The following MAP3K11 variants were observed in gnomAD, a reference collection of about 807,000 sequenced individuals.
The protein encoded by MAP3K11 is mitogen-activated protein kinase kinase kinase 11, also known as SH3 domain-containing proline-rich kinase.
MAP3K11 carries 46 observed loss-of-function variants against 84.9 expected under a neutral mutation model. That is an observed-to-expected ratio of 0.54 (90% CI 0.43 to 0.69). The LOEUF (loss-of-function observed/expected upper bound fraction) is 0.69, where lower values mean the gene tolerates loss of function less well. Ranked by LOEUF, MAP3K11 falls within the 30% of genes least tolerant of loss-of-function variation. The pLI is 0.00. For synonymous variants in MAP3K11, 527 were observed against 514.7 expected, an observed-to-expected ratio of 1.02 and a Z score of -0.32; for missense variants, 1,053 against 1,198.3, an observed-to-expected ratio of 0.88 and a Z score of 1.79.
At chr11:65,612,879 A>G in intron 1 of MAP3K11, 139 bp downstream of exon 1, 1 of 1,003,126 alleles carries the variant, frequency 1.0e-6, no homozygotes, top group Non-Finnish European at 1.3e-6. Context: ...GCTTGAGCCC[A>G]TGGGCACCCC....
Position 65,598,598 on chromosome 11 carries a change from G to T in MAP3K11, c.2237C>A (p.Ser746Ter). 6.4e-7 allele frequency: 1 copy of T among 1,566,926 alleles called. No individual in the cohort carries two copies. ...GCCTGGGGTGCCAGGAGCAGAGCGTGATGTCCCCGGTGGGGGTGAGACAGT... is the reference window on the plus strand; with the variant it reads ...GCCTGGGGTGCCAGGAGCAGAGCGTTATGTCCCCGGTGGGGGTGAGACAGT... ...GGTVSPPPGTSRSAPGTPGTP... is the reference protein window; with the variant it reads ...GGTVSPPPGT The change falls in exon 10 of 10, where the codon TCA becomes TAA. Residue 746 changes from serine to a stop codon, truncating the protein, a stop_gained. Coordinates refer to ENST00000309100, the MANE Select transcript of MAP3K11 (RefSeq NM_002419.4). LOFTEE classifies it high-confidence loss of function.
intron 1 of MAP3K11, chr11:65,610,473 T>C (rs1481840287): frequency 6.6e-6 from 1 of 152,242 alleles, no homozygotes. Flanking sequence ...CGCCCTCCTC[T>C]CCCTCCTCTG....
chr11:65,608,221 C>T, intron 2 of MAP3K11, 47 bp downstream of exon 2: 1 of 1,599,770 alleles, frequency 6.3e-7, no homozygotes, highest in Non-Finnish European at 8.5e-7. Flanking sequence ...CCACCTCTGC[C>T]CTCTGCAGCC....
At chr11:65,611,286 C>T (rs1327634106) in intron 1 of MAP3K11, 4 of 152,414 alleles carry the variant, frequency 2.6e-5, no homozygotes, top group Middle Eastern at 3.4e-3. Context: ...TCCTGTGACT[C>T]GTGGGCCTGG....
intron 1 of MAP3K11, chr11:65,610,916 C>G (rs1310775158): frequency 6.6e-6 from 1 of 152,618 alleles, no homozygotes; most frequent in Non-Finnish European, 1.5e-5. Context: ...CCAAGCTCCT[C>G]TCTGTGCTTT....
Position 65,607,508 on chromosome 11 carries a change from T to C in MAP3K11, c.1251A>G (p.Leu417=), listed in dbSNP as rs1008275707. ...GCGTCAGCTCCTCCTCGCGGCTCAG[T>C]AGTTCCTGCGCCCGAGACAGCGATG... ...FDELRAKEKE[L]LSREEELTRA... is the part of the protein sequence containing the mutation. The change falls in exon 5 of 10, where the codon CTA becomes CTG. Residue 417 remains leucine (L), a synonymous_variant. Transcript: ENST00000309100. 3 of 1,569,960 alleles carry C rather than the reference T, an allele frequency of 1.9e-6. No individual in the cohort carries two copies. Among genetic ancestry groups the C allele is most frequent in the Non-Finnish European group, 2.6e-6 (3 of 1,165,782 alleles).
chr11:65,606,349 T>C (rs1254383907), intron 6 of MAP3K11: 2 of 450,878 alleles, frequency 4.4e-6, no homozygotes, highest in African/African-American at 2.1e-5. Context: ...GCTCTTCCAC[T>C]TATTAACTGT....
Position 65,605,954 on chromosome 11 carries a change from C to A in MAP3K11, c.1731G>T (p.Gln577His), listed in dbSNP as rs1854502067. The change falls in exon 7 of 10, where the codon CAG becomes CAT. Residue 577 changes from glutamine to histidine, a missense_variant. Coordinates refer to ENST00000309100, the MANE Select transcript of MAP3K11 (RefSeq NM_002419.4). ...GGCACTCAGGTACTCACCTCCCATT[C>A]TGGGCTTCCCCAGGCTTGGGGGAAC... The part of the protein sequence containing the change: ...GPSSPKPGEA[Q>H]NGRRRSRMDE... 1.2e-6 allele frequency: 2 copies of A among 1,603,000 alleles called. No individual in the cohort carries two copies. Among genetic ancestry groups the A allele is most frequent in the Non-Finnish European group, 8.5e-7 (1 of 1,176,770 alleles).
At chr11:65,601,000 G>A (rs1854449397) in intron 8 of MAP3K11, among the ~76,000 whole-genome samples, 1 of 152,216 alleles carries the variant, frequency 6.6e-6, no homozygotes, top group Admixed American at 6.5e-5. Context: ...AGGGACAAGG[G>A]AATCCTTCTA....
intron 9 of MAP3K11, 74 bp downstream of exon 9, chr11:65,599,320 C>G: frequency 2.1e-6 from 3 of 1,451,866 alleles, no homozygotes; most frequent in African/African-American, 1.5e-5. Context: ...CTTGCATGTC[C>G]CCACCAGCCA....
chr11:65,606,589 A>G, intron 6 of MAP3K11, 102 bp downstream of exon 6: 1 of 803,352 alleles, frequency 1.2e-6, no homozygotes, highest in South Asian at 2.0e-5. Context: ...GGGGGCGGGG[A>G]GGAAGAGGGG....
Position 65,598,273 on chromosome 11 carries a change from G to A in MAP3K11, c.*18C>T. The A allele has an allele frequency of 2.1e-6, 3 of 1,435,246 alleles. No homozygotes were observed. Among genetic ancestry groups the A allele is most frequent in the Non-Finnish European group, 1.8e-6 (2 of 1,091,980 alleles). 88.9% of individuals were successfully genotyped at this position (1,435,246 alleles called of 1,614,324 possible). On this transcript the variant is annotated 3_prime_UTR_variant, in exon 10 of 10. Coordinates refer to ENST00000309100, the MANE Select transcript of MAP3K11 (RefSeq NM_002419.4). ...TCCTCCTAAGGCAGCTGGAGCTCGG[G>A]GGAGTGGCCTGGCCCACTCAAGGCC... is the stretch of plus-strand genomic sequence containing the variant.
Position 65,606,049 on chromosome 11 carries a change from G to A in MAP3K11, c.1636C>T (p.Arg546Cys), listed in dbSNP as rs750589238. 26 of 1,590,186 alleles carry A rather than the reference G, an allele frequency of 1.6e-5. No individual in the cohort carries two copies. Among genetic ancestry groups the A allele is most frequent in the Admixed American group, 5.6e-5 (3 of 53,804 alleles). The change falls in exon 7 of 10, where the codon CGC (arginine) becomes TGC (cysteine). Residue 546 changes from arginine (R) to cysteine (C), a missense_variant. This residue lies in a region of MAP3K11 where 583 missense variants were observed against 566.6 expected (regional missense o/e 1.03). Coordinates refer to ENST00000309100, the MANE Select transcript of MAP3K11 (RefSeq NM_002419.4). ...EPAEPGQAWG[R>C]QSPRRLEDSS... The stretch of plus-strand genomic sequence containing the variant: ...TCCTCCAGACGTCGGGGGGACTGGC[G>A]GCCCCATGCCTGGCCTGGCTCTGCA...
intron 9 of MAP3K11, 141 bp downstream of exon 9, chr11:65,599,253 G>T: frequency 9.5e-7 from 1 of 1,056,738 alleles, no homozygotes; most frequent in Non-Finnish European, 1.3e-6. Context: ...TGCGTCTTCA[G>T]TACCCCGAAT....
intron 8 of MAP3K11, 182 bp downstream of exon 8, chr11:65,605,579 C>T: frequency 3.7e-6 from 2 of 542,892 alleles, no homozygotes; most frequent in Admixed American, 3.8e-5. Context: ...TGATCGTGGG[C>T]CTGTAGGTCA....
chr11:65,604,077 G>C (rs1854482175), intron 8 of MAP3K11, among the ~76,000 whole-genome samples: 1 of 152,260 alleles, frequency 6.6e-6, no homozygotes, highest in African/African-American at 2.4e-5. Flanking sequence ...AATGCAAAGT[G>C]ATTTTGGAAT....
intron 8 of MAP3K11, 98 bp downstream of exon 8, chr11:65,605,663 G>A: frequency 2.4e-6 from 2 of 819,542 alleles, no homozygotes; most frequent in Admixed American, 6.0e-5. Context: ...AGCAACCAGG[G>A]CAGGACTCCT....
intron 5 of MAP3K11, 138 bp downstream of exon 5, chr11:65,607,132 C>T: frequency 8.3e-7 from 1 of 1,203,318 alleles, no homozygotes; most frequent in Non-Finnish European, 1.1e-6. Context: ...ACACTCCTGG[C>T]TCCACCCCTC....
At position 65,607,339 on chromosome 11, in the gene MAP3K11, G is replaced by A. The variant is rs1406803417; in HGVS notation, c.1420C>T (p.Arg474Cys). 2.0e-6 allele frequency: 3 copies of A among 1,506,048 alleles called. No homozygotes were observed. The highest frequency in any genetic ancestry group is 1.4e-5 in the African/African-American group (1 of 69,468). 93.3% of individuals were successfully genotyped at this position (1,506,048 alleles called of 1,614,324 possible). The change falls in exon 5 of 10, where the codon CGC becomes TGC. Residue 474 changes from arginine (R) to cysteine (C), a missense_variant. Physicochemically the swap from Arg to Cys is radical, Grantham distance 180. Transcript: ENST00000309100. ...TTGCTGCGCTTGAATGTCCCGCGGC[G>A]GCGGCGCACGTGCGGTCGCTCGCGG... Reference protein sequence around the residue: ...VDRERPHVRRRRGTFKRSKLR... With the variant: ...VDRERPHVRRCRGTFKRSKLR...
Sources: allele counts gnomAD v4.1 joint callset (sites outside exome capture counted in the v4.1 genomes callset), GRCh38; gene constraint gnomAD v4.1.1; regional missense constraint gnomAD v4.1.1; transcripts MANE v1.5; gene names NCBI Gene and HGNC (gene_info 2026-07-23, HGNC 2026-07-21).